The following STAU1 variants were observed in gnomAD, a reference collection of about 807,000 sequenced individuals.
The protein encoded by STAU1 is staufen double-stranded RNA binding protein 1.
A neutral mutation model predicts 62.9 loss-of-function variants in STAU1; 13 were observed. The ratio of observed to expected loss-of-function variants is 0.21; its 90% CI spans 0.13 to 0.33. The LOEUF is 0.33. Among genes scored for constraint, STAU1 ranks in the 10% least tolerant of loss-of-function variants. STAU1 has a pLI of 1.00. For synonymous variants in STAU1, 269 were observed against 265.1 expected (o/e 1.01, Z -0.14); for missense variants, 571 against 712.1 (o/e 0.80, Z 2.25).
intron 1 of STAU1, among the ~76,000 whole-genome samples, chr20:49,187,787 C>A (rs796509846): frequency 1.9e-4 from 29 of 150,956 alleles, no homozygotes; most frequent in South Asian, 8.6e-4. Flanking sequence ...CCCCCCCCCC[C>A]CGCCTGCGCC....
the STAU1 span, among the ~76,000 whole-genome samples, chr20:49,195,911 AAAAAAAGAAAAAAGAAAAAAAAAAAAC>A: frequency 3.3e-5 from 3 of 90,552 alleles, no homozygotes; most frequent in Non-Finnish European, 5.2e-5. Context: ...AAAAAAAAAA[AAAAAAAGAAAAAAGAAAAAAAAAAAAC>A]AAAGAAACAA....
intron 1 of STAU1, among the ~76,000 whole-genome samples, chr20:49,187,574 C>T (rs1439546109): frequency 5.3e-5 from 8 of 152,206 alleles, no homozygotes; most frequent in Non-Finnish European, 4.4e-5. Flanking sequence ...CCCCATTTCA[C>T]TGAACCTTAA....
chr20:49,119,896 G>C (rs1203706539), intron 9 of STAU1, 86 bp downstream of exon 9: 2 of 1,486,052 alleles, frequency 1.3e-6, no homozygotes, highest in Non-Finnish European at 1.8e-6. Context: ...ATAAAGCCTT[G>C]CCTTGAAGCC....
the STAU1 span, among the ~76,000 whole-genome samples, chr20:49,216,007 C>CACA: frequency 2.7e-5 from 1 of 36,452 alleles, no homozygotes. Flanking sequence ...GACTATGTCT[C>CACA]AAAAAAAAAA....
chr20:49,212,689 A>C, the STAU1 span, among the ~76,000 whole-genome samples: 12 of 136,854 alleles, frequency 8.8e-5, no homozygotes, highest in African/African-American at 3.3e-4. Context: ...AGCTCACCAC[A>C]ACCTCCACCT....
chr20:49,193,045 A>C (rs939246162), upstream of STAU1, among the ~76,000 whole-genome samples: 1 of 152,218 alleles, frequency 6.6e-6, no homozygotes, highest in East Asian at 1.9e-4. Flanking sequence ...ATTTCCAGAT[A>C]GACACAAACA....
the STAU1 span, among the ~76,000 whole-genome samples, chr20:49,199,262 C>T: frequency 1.3e-5 from 2 of 151,750 alleles, no homozygotes; most frequent in African/African-American, 4.8e-5. Flanking sequence ...GATGGAGTCT[C>T]GCTCTGTTGC....
At chr20:49,188,939 G>T (rs929370039), upstream of STAU1, among the ~76,000 whole-genome samples, 3 of 152,114 alleles carry the variant, frequency 2.0e-5, no homozygotes, top group Non-Finnish European at 4.4e-5. Flanking sequence ...GTTGGCTCAG[G>T]CCTCTAATCC....
intron 3 of STAU1, among the ~76,000 whole-genome samples, chr20:49,161,081 G>A (rs2093441100): frequency 1.3e-5 from 2 of 152,034 alleles, no homozygotes; most frequent in Admixed American, 1.3e-4. Context: ...CATTTTGGGA[G>A]GCCAAGGCAG....
intron 13 of STAU1, among the ~76,000 whole-genome samples, 161 bp from the exon 14 acceptor site, chr20:49,115,054 A>G (rs1466255233): frequency 6.6e-6 from 1 of 152,184 alleles, no homozygotes; most frequent in African/African-American, 2.4e-5. Flanking sequence ...TAAGTAAAAT[A>G]CGCAAGGAGA....
intron 5 of STAU1, among the ~76,000 whole-genome samples, chr20:49,147,128 T>G (rs915774602): frequency 6.6e-6 from 1 of 152,232 alleles, no homozygotes; most frequent in Non-Finnish European, 1.5e-5. Context: ...TGTCTCTTCC[T>G]CTGAAAAGAC....
At chr20:49,130,432 C>T (rs755782296) in intron 6 of STAU1, among the ~76,000 whole-genome samples, 68 of 152,092 alleles carry the variant, frequency 4.5e-4, no homozygotes, top group Non-Finnish European at 6.8e-4. Flanking sequence ...TGCACTTACA[C>T]AGGGTGACTT....
chr20:49,155,048 T>C (rs1206203533), intron 3 of STAU1, among the ~76,000 whole-genome samples: 1 of 151,732 alleles, frequency 6.6e-6, no homozygotes, highest in East Asian at 1.9e-4. Context: ...ATTGCGTCAC[T>C]GTACTCCAGA....
In STAU1 at chr20:49,155,461, G is replaced by A. The variant is rs183334601; in HGVS notation, c.206-1390C>T. On this transcript the variant is annotated intron_variant, in intron 3 of 13. Coordinates refer to ENST00000371856, the MANE Select transcript of STAU1 (RefSeq NM_017453.4). ...TTTAAAAAGAAAACCAGCCTGGAAA[G>A]ATTAGTGTCAGTGCACAATATTTAA... Among the ~76,000 whole-genome samples, 4 of 152,180 alleles carry A rather than the reference G, an allele frequency of 2.6e-5. No individual in the cohort carries two copies. In the East Asian group the frequency reaches 7.7e-4, roughly 29 times the overall value.
chr20:49,193,934 A>C, the STAU1 span, among the ~76,000 whole-genome samples: 1 of 151,444 alleles, frequency 6.6e-6, no homozygotes, highest in South Asian at 2.1e-4. Flanking sequence ...GCCACAATGC[A>C]CTCCACTGTG....
At chr20:49,181,975 A>C (rs1174620302) in intron 1 of STAU1, among the ~76,000 whole-genome samples, 1 of 152,156 alleles carries the variant, frequency 6.6e-6, no homozygotes, top group Non-Finnish European at 1.5e-5. Context: ...CCACATAGTC[A>C]TCACACTTCT....
the STAU1 span, among the ~76,000 whole-genome samples, chr20:49,212,926 G>A: frequency 1.3e-5 from 2 of 151,808 alleles, no homozygotes; most frequent in African/African-American, 4.8e-5. Context: ...TGTAATATCG[G>A]GTAATATGTG....
At chr20:49,177,174 T>C (rs1475197117) in intron 1 of STAU1, among the ~76,000 whole-genome samples, 2 of 150,448 alleles carry the variant, frequency 1.3e-5, no homozygotes, top group Non-Finnish European at 3.0e-5. Flanking sequence ...CCTCCCAAAG[T>C]GCTGCGATTA....
intron 5 of STAU1, among the ~76,000 whole-genome samples, chr20:49,148,280 C>T (rs774198368): frequency 6.6e-5 from 10 of 152,266 alleles, no homozygotes; most frequent in Admixed American, 3.3e-4. Flanking sequence ...CCTCATGCAA[C>T]GTGTCGCAGT....
Sources: gnomAD v4.1 joint callset for allele counts (sites outside exome capture counted in the v4.1 genomes callset) on GRCh38, gnomAD v4.1.1 for gene constraint, MANE v1.5 for transcripts, NCBI Gene and HGNC (gene_info 2026-07-23, HGNC 2026-07-21) for gene names.